The following FBXL7 variants were observed in gnomAD, a reference collection of about 807,000 sequenced individuals.
FBXL7 encodes F-box and leucine rich repeat protein 7.
A neutral mutation model predicts 38.3 loss-of-function variants in FBXL7; 12 were observed. The ratio of observed to expected loss-of-function variants is 0.31; its 90% CI spans 0.20 to 0.51. The LOEUF is 0.51. FBXL7 is among the 20% of genes least tolerant of loss of function. The pLI, the probability that FBXL7 is intolerant of heterozygous loss-of-function variation, is 0.98. For missense variants in FBXL7, 567 were observed against 676.4 expected (o/e 0.84, Z 1.79); for synonymous variants, 297 against 300.9 (o/e 0.99, Z 0.13).
At position 15,500,193 on chromosome 5, in the gene FBXL7, T is replaced by A. The variant is rs569013257; in HGVS notation, c.-484T>A. ...CGGGCGAGCTGCGCCGGGTCGCTAGTCTTCACTCGCTCCGGGGACCCGCAA... is the reference window on the plus strand; with the variant it reads ...CGGGCGAGCTGCGCCGGGTCGCTAGACTTCACTCGCTCCGGGGACCCGCAA... On this transcript the variant is annotated 5_prime_UTR_variant, in exon 1 of 4. Transcript: ENST00000504595. 1 of 151,866 alleles carries A rather than the reference T, an allele frequency of 6.6e-6. No individual in the cohort carries two copies. The highest frequency in any genetic ancestry group is 1.5e-5 in the Non-Finnish European group (1 of 67,918). The allele number at this position is 151,866 out of a possible 1,614,324, so 9.4% of individuals were successfully genotyped here.
At chr5:15,748,047 A>C (rs957687665) in intron 2 of FBXL7, among the ~76,000 whole-genome samples, 7 of 129,188 alleles carry the variant, frequency 5.4e-5, no homozygotes, top group Middle Eastern at 3.8e-3. Context: ...TCCCCAGGGA[A>C]CACCTGGAAA....
intron 2 of FBXL7, among the ~76,000 whole-genome samples, chr5:15,832,203 C>T (rs1738476309): frequency 6.6e-6 from 1 of 152,104 alleles, no homozygotes; most frequent in Non-Finnish European, 1.5e-5. Context: ...TCACCCTTTC[C>T]CTGAGGGCAG....
At chr5:15,879,151 C>T (rs1315238116) in intron 2 of FBXL7, among the ~76,000 whole-genome samples, 1 of 152,024 alleles carries the variant, frequency 6.6e-6, no homozygotes, top group Admixed American at 6.6e-5. Context: ...TTTTTTTATC[C>T]TTTTACCTCC....
intron 2 of FBXL7, among the ~76,000 whole-genome samples, chr5:15,621,055 G>A (rs897735287): frequency 2.0e-5 from 3 of 152,182 alleles, no homozygotes; most frequent in African/African-American, 7.2e-5. Flanking sequence ...GGCACAGTGG[G>A]CACATTTTGG....
chr5:15,577,489 G>C (rs2126462070), intron 1 of FBXL7, among the ~76,000 whole-genome samples: 1 of 152,222 alleles, frequency 6.6e-6, no homozygotes, highest in Admixed American at 6.5e-5. Flanking sequence ...GCAGCTTCTG[G>C]AAGGGATATG....
intron 2 of FBXL7, among the ~76,000 whole-genome samples, chr5:15,858,338 A>T (rs1739333533): frequency 6.6e-6 from 1 of 151,990 alleles, no homozygotes; most frequent in African/African-American, 2.4e-5. Context: ...ATTGATAGCT[A>T]AGATAAGGGA....
intron 2 of FBXL7, among the ~76,000 whole-genome samples, chr5:15,733,241 C>T (rs766946543): frequency 5.3e-5 from 8 of 151,994 alleles, no homozygotes; most frequent in East Asian, 3.9e-4. Flanking sequence ...TACAGGCACC[C>T]GCCACCACGC....
intron 2 of FBXL7, among the ~76,000 whole-genome samples, chr5:15,721,303 G>A (rs992026506): frequency 2.0e-5 from 3 of 151,790 alleles, no homozygotes; most frequent in Non-Finnish European, 4.4e-5. Flanking sequence ...ATTCCTTTAG[G>A]CCTTTGATTT....
At chr5:15,929,243 A>G (rs537859951) in intron 3 of FBXL7, among the ~76,000 whole-genome samples, 7 of 152,226 alleles carry the variant, frequency 4.6e-5, no homozygotes, top group Non-Finnish European at 1.0e-4. Flanking sequence ...CATCTGGGTT[A>G]ATCCTGCATC....
At chr5:15,670,473 CTTTAG>C (rs1341743558) in intron 2 of FBXL7, among the ~76,000 whole-genome samples, 1 of 152,140 alleles carries the variant, frequency 6.6e-6, no homozygotes, top group Non-Finnish European at 1.5e-5. Context: ...TAGCCCAGAT[CTTTAG>C]TTTATTGTCT....
At chr5:15,863,158 A>G (rs572981908) in intron 2 of FBXL7, among the ~76,000 whole-genome samples, 1 of 152,344 alleles carries the variant, frequency 6.6e-6, no homozygotes, top group South Asian at 2.1e-4. Context: ...TCCACTCTAA[A>G]TTAGATTTCA....
chr5:15,508,095 C>T (rs953302130), intron 1 of FBXL7, among the ~76,000 whole-genome samples: 2 of 152,088 alleles, frequency 1.3e-5, no homozygotes, highest in Admixed American at 1.3e-4. Context: ...CCTAACCCAC[C>T]CAACAGCATA....
At chr5:15,906,436 AT>A (rs70938032) in intron 2 of FBXL7, among the ~76,000 whole-genome samples, 65,416 of 125,640 alleles carry the variant, frequency 0.52, 17,143 homozygotes, top group Non-Finnish European at 0.6. Flanking sequence ...ACCTAGAAGG[AT>A]TTTTTTTTTT....
intron 2 of FBXL7, among the ~76,000 whole-genome samples, chr5:15,678,772 A>G (rs1034474364): frequency 2.0e-5 from 3 of 152,156 alleles, no homozygotes; most frequent in African/African-American, 4.8e-5. Context: ...GTCTGCCGCC[A>G]TGTAAGACAT....
At chr5:15,745,271 A>C (rs2126679117) in intron 2 of FBXL7, among the ~76,000 whole-genome samples, 1 of 152,344 alleles carries the variant, frequency 6.6e-6, no homozygotes, top group South Asian at 2.1e-4. Context: ...AATCCTAGGT[A>C]GCAAAACCCT....
intron 2 of FBXL7, among the ~76,000 whole-genome samples, chr5:15,794,089 A>G (rs1675868981): frequency 6.6e-6 from 1 of 152,214 alleles, no homozygotes; most frequent in South Asian, 2.1e-4. Flanking sequence ...ATCTCGTTTA[A>G]GCATATTTGC....
intron 2 of FBXL7, among the ~76,000 whole-genome samples, chr5:15,709,487 T>G (rs996978528): frequency 6.6e-5 from 10 of 151,464 alleles, no homozygotes; most frequent in Non-Finnish European, 1.2e-4. Context: ...TGAGCTGAGA[T>G]TGTGCCACTA....
chr5:15,874,951 G>A (rs761678809), intron 2 of FBXL7, among the ~76,000 whole-genome samples: 17 of 152,238 alleles, frequency 1.1e-4, no homozygotes, highest in Non-Finnish European at 1.9e-4. Context: ...AGCCCATATA[G>A]CCAAGAAAAT....
Position 15,928,291 on chromosome 5 carries a change from C to T in FBXL7, c.529C>T (p.Leu177Phe), listed in dbSNP as rs1420083928. Residue 177 changes from leucine (L) to phenylalanine (F), a missense_variant, in exon 3 of 4, where the codon CTC (leucine) becomes TTC (phenylalanine). Transcript: ENST00000504595. The surrounding 1 kb of genome is among the most constrained non-coding windows in gnomAD (Gnocchi z 4.0). ...CGCCCTCAAGGTGCTGACCCGCAGA[C>T]TCTGCCAGGACACCCCCAACGTGTG... ...DRALKVLTRR[L>F]CQDTPNVCLM... 2 of 1,613,318 alleles carry T rather than the reference C, an allele frequency of 1.2e-6. No homozygotes were observed. Among genetic ancestry groups the T allele is most frequent in the Non-Finnish European group, 1.7e-6 (2 of 1,179,676 alleles).
Sources: allele counts gnomAD v4.1 joint callset (sites outside exome capture counted in the v4.1 genomes callset), GRCh38; gene constraint gnomAD v4.1.1; non-coding constraint Gnocchi (gnomAD v3.1); transcripts MANE v1.5; gene names NCBI Gene and HGNC (gene_info 2026-07-23, HGNC 2026-07-21).